The following HECW2 variants were observed in gnomAD, a reference collection of about 807,000 sequenced individuals.
HECW2 encodes the protein HECT, C2 and WW domain containing E3 ubiquitin protein ligase 2, also known as E3 ubiquitin-protein ligase HECW2.
Under a neutral mutation model 175.2 loss-of-function variants are expected in HECW2, and 61 were observed. That is an observed-to-expected ratio of 0.35 (90% CI 0.28 to 0.43). The LOEUF is 0.43. Ranked by LOEUF, HECW2 falls within the 20% of genes least tolerant of loss-of-function variation. HECW2 has a pLI of 1.00. For missense variants in HECW2, 1,524 were observed against 2,000.5 expected (o/e 0.76, Z 4.54); for synonymous variants, 671 against 731.0 (o/e 0.92, Z 1.32).
intron 1 of HECW2, among the ~76,000 whole-genome samples, chr2:196,538,796 C>T (rs1157044886): frequency 1.3e-5 from 2 of 152,158 alleles, no homozygotes; most frequent in Non-Finnish European, 2.9e-5. Flanking sequence ...ATAAGAAAGG[C>T]CAGCTGGCAG....
chr2:196,339,819 T>C (rs369018243), intron 3 of HECW2, among the ~76,000 whole-genome samples: 8 of 152,256 alleles, frequency 5.3e-5, no homozygotes, highest in Admixed American at 5.2e-4. Flanking sequence ...GACTGTCTTA[T>C]GACAAGTAAG....
intron 27 of HECW2, 30 bp from the exon 28 acceptor site, chr2:196,216,007 G>T: frequency 6.6e-7 from 1 of 1,518,820 alleles, no homozygotes; most frequent in East Asian, 2.3e-5. Flanking sequence ...GAAGGAGAAG[G>T]TGAAGCCAGA....
chr2:196,279,610 C>T (rs1343439324), intron 14 of HECW2, among the ~76,000 whole-genome samples: 1 of 152,162 alleles, frequency 6.6e-6, no homozygotes, highest in African/African-American at 2.4e-5. Context: ...ATCACCACCC[C>T]AATACAAAGC....
chr2:196,246,043 AG>A (rs1338142522), intron 19 of HECW2, among the ~76,000 whole-genome samples: 7 of 152,248 alleles, frequency 4.6e-5, no homozygotes, highest in African/African-American at 1.7e-4. Flanking sequence ...CCTTATAAGA[AG>A]GTCAAACATC....
At chr2:196,577,063 A>C (rs1200454355) in intron 1 of HECW2, among the ~76,000 whole-genome samples, 1 of 152,228 alleles carries the variant, frequency 6.6e-6, no homozygotes, top group Non-Finnish European at 1.5e-5. Context: ...TGTCAAGGCA[A>C]GTGTAAGAAG....
At chr2:196,471,977 T>TA (rs34039865) in intron 1 of HECW2, among the ~76,000 whole-genome samples, 40,578 of 130,062 alleles carry the variant, frequency 0.31, 6,600 homozygotes, top group African/African-American at 0.49. Flanking sequence ...AACAAAAGTT[T>TA]AAAAAAAAAA....
chr2:196,278,496 C>G, intron 15 of HECW2, 32 bp downstream of exon 15: 3 of 1,605,848 alleles, frequency 1.9e-6, no homozygotes, highest in Non-Finnish European at 2.6e-6. Context: ...TTCTATCAAC[C>G]AACAGGTCAG....
intron 1 of HECW2, among the ~76,000 whole-genome samples, chr2:196,581,585 T>C (rs891743387): frequency 6.6e-6 from 1 of 152,084 alleles, no homozygotes; most frequent in African/African-American, 2.4e-5. Context: ...TTATACACCT[T>C]AACATTGTGA....
chr2:196,309,342 C>T (rs1483037751), intron 10 of HECW2, among the ~76,000 whole-genome samples: 1 of 152,184 alleles, frequency 6.6e-6, no homozygotes, highest in Non-Finnish European at 1.5e-5. Flanking sequence ...AACAAAAGCA[C>T]CACACAGACA....
rs1691335905 is a variant in HECW2 at position 196,308,054 on chromosome 2, C to T, written c.2466G>A (p.Arg822=). ...TGTTTACGTGATCCACGTAGAAGAT[C>T]CTGCCGTGGCTGTCAATGCGTGCCT... The part of the protein sequence containing the change: ...NWEARIDSHG[R]IFYVDHVNRT... Residue 822 remains arginine (R), a synonymous_variant, in exon 11 of 29, where the codon AGG becomes AGA. Transcript: ENST00000644978. 8.2e-6 allele frequency: 13 copies of T among 1,591,608 alleles called. No individual in the cohort carries two copies. The highest frequency in any genetic ancestry group is 1.0e-5 in the Non-Finnish European group (12 of 1,164,432).
intron 1 of HECW2, among the ~76,000 whole-genome samples, chr2:196,438,840 T>C (rs1362591696): frequency 1.3e-5 from 2 of 152,210 alleles, no homozygotes; most frequent in African/African-American, 4.8e-5. Flanking sequence ...AGAAACTTTT[T>C]ATAACTCTTT....
chr2:196,424,787 T>G (rs1695496900), intron 2 of HECW2, among the ~76,000 whole-genome samples: 1 of 152,142 alleles, frequency 6.6e-6, no homozygotes, highest in Non-Finnish European at 1.5e-5. Context: ...AGCATAAAAG[T>G]ACAAAGTAAA....
chr2:196,518,295 C>A (rs1197303811), intron 1 of HECW2, among the ~76,000 whole-genome samples: 1 of 152,000 alleles, frequency 6.6e-6, no homozygotes, highest in Non-Finnish European at 1.5e-5. Context: ...TGCCTAAAAC[C>A]AAATTATAAG....
intron 17 of HECW2, among the ~76,000 whole-genome samples, chr2:196,266,020 G>A (rs1261260419): frequency 6.6e-6 from 1 of 152,088 alleles, no homozygotes; most frequent in Non-Finnish European, 1.5e-5. Flanking sequence ...CCATTACTAT[G>A]TGGTGTCAAT....
chr2:196,376,592 C>T (rs976380964), intron 2 of HECW2, among the ~76,000 whole-genome samples: 4 of 148,176 alleles, frequency 2.7e-5, no homozygotes, highest in South Asian at 2.2e-4. Context: ...CATCACGTCA[C>T]ACCACTGCAC....
chr2:196,379,782 C>T lies in HECW2; in HGVS notation c.293-36018G>A, dbSNP rs975657400. Reference sequence around the variant, plus strand: ...AAAACAATAAAAGAGACATAATTAGCCTATGGTGTTTGAAGTCAGGACAAT... The same window carrying T: ...AAAACAATAAAAGAGACATAATTAGTCTATGGTGTTTGAAGTCAGGACAAT... On this transcript the variant is annotated intron_variant, in intron 2 of 28. Transcript: ENST00000644978. 2.0e-5 allele frequency among the ~76,000 whole-genome samples: 3 copies of T among 150,686 alleles called. No individual in the cohort carries two copies. In the East Asian group the frequency reaches 5.8e-4, roughly 29 times the overall value.
intron 3 of HECW2, among the ~76,000 whole-genome samples, chr2:196,342,317 T>C (rs904852199): frequency 2.0e-5 from 3 of 151,036 alleles, no homozygotes; most frequent in Non-Finnish European, 4.4e-5. Flanking sequence ...GGGAGGAGAA[T>C]TGCTTGAACC....
At chr2:196,350,616 T>A (rs569278644) in intron 2 of HECW2, among the ~76,000 whole-genome samples, 1 of 151,782 alleles carries the variant, frequency 6.6e-6, no homozygotes, top group African/African-American at 2.4e-5. Context: ...ATTTGTTACC[T>A]TGTTCATTCA....
chr2:196,342,328 CG>C (rs1692784441), intron 3 of HECW2, among the ~76,000 whole-genome samples: 1 of 150,498 alleles, frequency 6.6e-6, no homozygotes, highest in Non-Finnish European at 1.5e-5. Flanking sequence ...TGCTTGAACC[CG>C]GGAGGCGGAG....
Sources: allele counts gnomAD v4.1 joint callset (sites outside exome capture counted in the v4.1 genomes callset), GRCh38; gene constraint gnomAD v4.1.1; transcripts MANE v1.5; gene names NCBI Gene and HGNC (gene_info 2026-07-23, HGNC 2026-07-21).